ADAM12: variants seen among roughly 807,000 people sequenced by gnomAD.
The protein encoded by ADAM12 is ADAM metallopeptidase domain 12.
A neutral mutation model predicts 106.4 loss-of-function variants in ADAM12; 70 were observed. The observed-to-expected ratio is 0.66, with a 90% confidence interval of 0.54 to 0.80. ADAM12 has a LOEUF of 0.80. ADAM12 is among the 30% of genes least tolerant of loss of function. ADAM12 has a pLI of 0.00. For synonymous variants in ADAM12, 420 were observed against 433.5 expected, an observed-to-expected ratio of 0.97 and a Z score of 0.39; for missense variants, 1,010 against 1,171.9, an observed-to-expected ratio of 0.86 and a Z score of 2.02.
At chr10:126,135,266 G>T in intron 5 of ADAM12, 1 of 312,456 alleles carries the variant, frequency 3.2e-6, no homozygotes, top group Non-Finnish European at 5.9e-6. Flanking sequence ...GAATTATAAA[G>T]CATCAGAGCC....
At chr10:126,083,005 C>T (rs7089273) in intron 11 of ADAM12, among the ~76,000 whole-genome samples, 15,269 of 152,260 alleles carry the variant, frequency 0.1, 1,012 homozygotes, top group African/African-American at 0.18. Context: ...CCAAGTAGCA[C>T]GCCTGGTAGG....
chr10:126,318,587 C>T (rs1853976547), intron 2 of ADAM12, among the ~76,000 whole-genome samples: 1 of 152,190 alleles, frequency 6.6e-6, no homozygotes, highest in South Asian at 2.1e-4. Context: ...TACACCCACA[C>T]ACTCTCTCAC....
In ADAM12 at chr10:126,219,286, G is replaced by A. The variant is rs544970611; in HGVS notation, c.260+59629C>T. Among the ~76,000 whole-genome samples, 217 of 152,292 alleles carry A rather than the reference G, an allele frequency of 1.4e-3. 1 individual carries two copies. The highest frequency in any genetic ancestry group is 4.9e-3 in the African/African-American group (204 of 41,564). On this transcript the variant is annotated intron_variant, in intron 3 of 22. Coordinates refer to ENST00000448723, the MANE Select transcript of ADAM12 (RefSeq NM_001288973.2). Reference sequence around the variant, plus strand: ...CTGTTGCAGTCGTCCTTAGCGCCTCGAACAGAGGTCCTGGTGACCTGCTTC... The same window carrying A: ...CTGTTGCAGTCGTCCTTAGCGCCTCAAACAGAGGTCCTGGTGACCTGCTTC...
intron 4 of ADAM12, among the ~76,000 whole-genome samples, chr10:126,139,698 G>T (rs111946882): frequency 5.3e-5 from 8 of 152,220 alleles, no homozygotes; most frequent in Middle Eastern, 3.4e-3. Context: ...GGGCTGGAAG[G>T]TTCAGATGCA....
At chr10:126,040,282 T>C (rs1954137647) in intron 18 of ADAM12, among the ~76,000 whole-genome samples, 1 of 152,176 alleles carries the variant, frequency 6.6e-6, no homozygotes, top group South Asian at 2.1e-4. Context: ...AGGACAGGGA[T>C]CTTGATTCAT....
intron 2 of ADAM12, among the ~76,000 whole-genome samples, chr10:126,291,479 T>C (rs1461629363): frequency 1.3e-5 from 2 of 152,230 alleles, no homozygotes; most frequent in Admixed American, 6.5e-5. Context: ...AATTGCACCA[T>C]GAAAACACAC....
intron 3 of ADAM12, among the ~76,000 whole-genome samples, chr10:126,156,271 A>G (rs1011318062): frequency 1.3e-5 from 2 of 152,176 alleles, no homozygotes; most frequent in African/African-American, 2.4e-5. Flanking sequence ...TAAGGTCTGG[A>G]GGCAGGGAAC....
chr10:126,110,061 C>G (rs1214104530), intron 6 of ADAM12, among the ~76,000 whole-genome samples: 1 of 152,052 alleles, frequency 6.6e-6, no homozygotes, highest in Non-Finnish European at 1.5e-5. Flanking sequence ...CTTGGAAAAC[C>G]CTTAAAAAGG....
chr10:126,144,375 C>T (rs143132633), intron 4 of ADAM12, among the ~76,000 whole-genome samples: 1 of 152,294 alleles, frequency 6.6e-6, no homozygotes, highest in African/African-American at 2.4e-5. Flanking sequence ...GGCATTGTTA[C>T]AAATCTGGAA....
At chr10:126,363,420 T>C (rs924152603) in intron 1 of ADAM12, among the ~76,000 whole-genome samples, 4 of 152,198 alleles carry the variant, frequency 2.6e-5, no homozygotes, top group African/African-American at 9.6e-5. Context: ...TTTAGGATTA[T>C]GGCTGATTGC....
chr10:126,312,699 T>C (rs1466051575), intron 2 of ADAM12, among the ~76,000 whole-genome samples: 1 of 152,184 alleles, frequency 6.6e-6, no homozygotes, highest in Non-Finnish European at 1.5e-5. Flanking sequence ...CTGGCTTTAT[T>C]AAATACTGTT....
intron 2 of ADAM12, among the ~76,000 whole-genome samples, chr10:126,285,726 C>A (rs1959824832): frequency 6.6e-6 from 1 of 152,196 alleles, no homozygotes; most frequent in Non-Finnish European, 1.5e-5. Flanking sequence ...CATGTGCTCA[C>A]AGGAGGCAAG....
Position 126,224,264 on chromosome 10 carries a change from G to C in ADAM12, c.260+54651C>G, listed in dbSNP as rs12268761. Reference sequence around the variant, plus strand: ...CTCATGTTCAGCTCCTCCATTCTTAGACAGGTCCTGCAGGCTCCAAGCTGG... The same window carrying C: ...CTCATGTTCAGCTCCTCCATTCTTACACAGGTCCTGCAGGCTCCAAGCTGG... On this transcript the variant is annotated intron_variant, in intron 3 of 22. Coordinates refer to ENST00000448723, the MANE Select transcript of ADAM12 (RefSeq NM_001288973.2). Among the ~76,000 whole-genome samples the C allele has an allele frequency of 2.3e-3, 343 of 152,276 alleles. 2 individuals are homozygous for C. Among genetic ancestry groups the C allele is most frequent in the African/African-American group, 7.5e-3 (311 of 41,568 alleles).
chr10:126,365,277 G>A (rs1390754937), intron 1 of ADAM12, among the ~76,000 whole-genome samples: 1 of 152,156 alleles, frequency 6.6e-6, no homozygotes, highest in African/African-American at 2.4e-5. Context: ...GGGAAGGAAA[G>A]TTTGTTTAAT....
chr10:126,315,841 A>G (rs576223779), intron 2 of ADAM12, among the ~76,000 whole-genome samples: 48 of 152,226 alleles, frequency 3.2e-4, no homozygotes, highest in Non-Finnish European at 5.4e-4. Context: ...CCCACTCTCA[A>G]TGCTCTTTAT....
intron 3 of ADAM12, among the ~76,000 whole-genome samples, chr10:126,253,359 A>G (rs1363273797): frequency 6.6e-6 from 1 of 152,190 alleles, no homozygotes; most frequent in Non-Finnish European, 1.5e-5. Context: ...CTGCTCGCCA[A>G]TGTGGCATGT....
intron 3 of ADAM12, among the ~76,000 whole-genome samples, chr10:126,241,195 C>T (rs1460711304): frequency 6.6e-6 from 1 of 152,148 alleles, no homozygotes; most frequent in Non-Finnish European, 1.5e-5. Flanking sequence ...TAAAGGTGAG[C>T]ATTTGCCAGA....
intron 2 of ADAM12, among the ~76,000 whole-genome samples, chr10:126,294,945 C>G (rs1014866569): frequency 6.6e-6 from 1 of 151,786 alleles, no homozygotes; most frequent in Non-Finnish European, 1.5e-5. Context: ...TGTATTCTCC[C>G]TAAGTATACA....
chr10:126,305,473 A>C (rs1015981635), intron 2 of ADAM12, among the ~76,000 whole-genome samples: 2 of 152,106 alleles, frequency 1.3e-5, no homozygotes, highest in Non-Finnish European at 2.9e-5. Flanking sequence ...TTGATAAGAA[A>C]GACTGATTGA....
Sources: gnomAD v4.1 joint callset for allele counts (sites outside exome capture counted in the v4.1 genomes callset) on GRCh38, gnomAD v4.1.1 for gene constraint, MANE v1.5 for transcripts, NCBI Gene and HGNC (gene_info 2026-07-23, HGNC 2026-07-21) for gene names.